Variants in DPYSL2 observed in about 807,000 individuals in gnomAD.
The protein encoded by DPYSL2 is dihydropyrimidinase-related protein 2.
Under a neutral mutation model 69.9 loss-of-function variants are expected in DPYSL2, and 13 were observed. That is an observed-to-expected ratio of 0.19 (90% CI 0.12 to 0.30). The LOEUF is 0.30. DPYSL2 is among the 10% of genes least tolerant of loss of function. The pLI, the probability that DPYSL2 is intolerant of heterozygous loss-of-function variation, is 1.00. For missense variants in DPYSL2, 587 were observed against 918.9 expected (o/e 0.64, Z 4.67); for synonymous variants, 326 against 359.1 (o/e 0.91, Z 1.04).
At chr8:26,577,156 T>C (rs767922643) in intron 1 of DPYSL2, 19 of 447,108 alleles carry the variant, frequency 4.2e-5, no homozygotes, top group South Asian at 3.0e-4. Flanking sequence ...TCCTCAGGGC[T>C]CTCATTTCCT....
chr8:26,537,261 G>A (rs535519411), intron 1 of DPYSL2, among the ~76,000 whole-genome samples: 1 of 152,094 alleles, frequency 6.6e-6, no homozygotes, highest in African/African-American at 2.4e-5. Context: ...CTGAGGAATG[G>A]CTTTGACCCT....
chr8:26,631,073 T>A (rs1802760101), intron 7 of DPYSL2, among the ~76,000 whole-genome samples: 1 of 152,232 alleles, frequency 6.6e-6, no homozygotes, highest in African/African-American at 2.4e-5. Context: ...CTTGCATTCC[T>A]TCTTTCTCCT....
chr8:26,576,143 G>A (rs373789212), intron 1 of DPYSL2, among the ~76,000 whole-genome samples: 1 of 152,146 alleles, frequency 6.6e-6, no homozygotes, highest in Non-Finnish European at 1.5e-5. Flanking sequence ...AACTTTGTGC[G>A]TGCCCTACGG....
rs906705303 is a variant in DPYSL2 at position 26,617,688 on chromosome 8, G to A, written c.629-6455G>A. Among the ~76,000 whole-genome samples the A allele has an allele frequency of 2.6e-5, 4 of 152,148 alleles. No individual in the cohort carries two copies. The highest frequency in any genetic ancestry group is 9.7e-5 in the African/African-American group (4 of 41,414). ...GGAGGGGAAGGAAGCACTGATTCTC[G>A]CTGCAGCATGGATGAACCTTGACGA... On this transcript the variant is annotated intron_variant, in intron 3 of 13. Coordinates refer to ENST00000521913, the MANE Select transcript of DPYSL2 (RefSeq NM_001197293.3). This position sits in a 1 kb window ranked among gnomAD's most constrained non-coding sequence, Gnocchi z 4.7.
intron 1 of DPYSL2, chr8:26,578,516 G>A: frequency 7.0e-7 from 1 of 1,422,566 alleles, no homozygotes; most frequent in African/African-American, 1.4e-5. Context: ...GAGCGCGAGT[G>A]CACGAAGGTA....
chr8:26,652,498 CATTT>C lies in DPYSL2; in HGVS notation c.1776+66_1776+69del. ...CACGAATTAAGTTCAAGGCCACAAA[CATTT>C]ATTAAGCACCTTGAGACAGAATATT... On this transcript the variant is annotated intron_variant, in intron 12 of 13. Coordinates refer to ENST00000521913, the MANE Select transcript of DPYSL2 (RefSeq NM_001197293.3). This position sits in a 1 kb window ranked among gnomAD's most constrained non-coding sequence, Gnocchi z 6.3. 6.6e-7 allele frequency: 1 copy of C among 1,504,844 alleles called. No individual in the cohort carries two copies. The highest frequency in any genetic ancestry group is 1.9e-5 in the Admixed American group (1 of 53,338). 93.2% of individuals were successfully genotyped at this position (1,504,844 alleles called of 1,614,324 possible). A position where few individuals can be genotyped will look rare whatever the true frequency, so the allele number is the denominator to read the frequency against.
chr8:26,561,651 A>C (rs1199871990), intron 1 of DPYSL2, among the ~76,000 whole-genome samples: 1 of 152,096 alleles, frequency 6.6e-6, no homozygotes, highest in Non-Finnish European at 1.5e-5. Flanking sequence ...GTTTCATAGA[A>C]GACCATTCTT....
Position 26,624,456 on chromosome 8 carries a change from C to A in DPYSL2, c.793+149C>A. 9.9e-7 allele frequency: 1 copy of A among 1,010,634 alleles called. No homozygotes were observed. Among genetic ancestry groups the A allele is most frequent in the Non-Finnish European group, 1.4e-6 (1 of 692,960 alleles). The allele number at this position is 1,010,634 out of a possible 1,614,324, so 62.6% of individuals were successfully genotyped here. On this transcript the variant is annotated intron_variant, in intron 4 of 13. Transcript: ENST00000521913. This position sits in a 1 kb window ranked among gnomAD's most constrained non-coding sequence, Gnocchi z 4.7. ...CCTGGGAAGGAGAGAGGGCTTTGGG[C>A]CGCAGCTTATGCTGTTTGGAGGTGG... is the stretch of plus-strand genomic sequence containing the variant.
intron 1 of DPYSL2, among the ~76,000 whole-genome samples, chr8:26,523,623 T>C (rs754442576): frequency 4.6e-5 from 7 of 152,218 alleles, no homozygotes; most frequent in Non-Finnish European, 8.8e-5. Flanking sequence ...TCAAAGTTTG[T>C]TCATGTTGTA....
At position 26,641,492 on chromosome 8, in the gene DPYSL2, G is replaced by A. The variant is rs1250512070; in HGVS notation, c.1127-1947G>A. On this transcript the variant is annotated intron_variant, in intron 8 of 13. Coordinates refer to ENST00000521913, the MANE Select transcript of DPYSL2 (RefSeq NM_001197293.3). This position sits in a 1 kb window ranked among gnomAD's most constrained non-coding sequence, Gnocchi z 4.1. The stretch of plus-strand genomic sequence containing the variant: ...CCTTTGAGAACTGATGACTGCTGCT[G>A]GGTCCTGCCCAGCCATTTGCATTTT... Among the ~76,000 whole-genome samples the A allele has an allele frequency of 6.6e-6, 1 of 152,210 alleles. No individual in the cohort carries two copies. The highest frequency in any genetic ancestry group is 1.5e-5 in the Non-Finnish European group (1 of 68,044).
rs931408574 is a variant in DPYSL2, at chr8:26,514,951, T to C, written c.354+272T>C. On this transcript the variant is annotated intron_variant, in intron 1 of 13. Transcript: ENST00000521913. This position sits in a 1 kb window ranked among gnomAD's most constrained non-coding sequence, Gnocchi z 8.4. ...CATAGGGAATGGGCTGATCCCCTGC[T>C]GGGGCGGGCGGTGGTCGTCTGGGAG... Among the ~76,000 whole-genome samples the C allele has an allele frequency of 2.0e-5, 3 of 152,154 alleles. No homozygotes were observed. The highest frequency in any genetic ancestry group is 7.2e-5 in the African/African-American group (3 of 41,460).
At chr8:26,572,189 C>T (rs947940327) in intron 1 of DPYSL2, among the ~76,000 whole-genome samples, 2 of 152,176 alleles carry the variant, frequency 1.3e-5, no homozygotes, top group Non-Finnish European at 2.9e-5. Context: ...AACGCAGAGA[C>T]CCAGGGCGCC....
intron 1 of DPYSL2, among the ~76,000 whole-genome samples, chr8:26,555,351 C>G (rs1051406356): frequency 6.6e-6 from 1 of 151,932 alleles, no homozygotes; most frequent in Non-Finnish European, 1.5e-5. Flanking sequence ...AAATAAATCC[C>G]AAAGAATCAA....
intron 3 of DPYSL2, chr8:26,623,879 C>G (rs1482982762): frequency 5.2e-6 from 2 of 386,298 alleles, no homozygotes; most frequent in Non-Finnish European, 9.4e-6. Flanking sequence ...AAAGCTTGAG[C>G]TTTCAGGGGT....
chr8:26,567,145 C>G (rs574323940), intron 1 of DPYSL2, among the ~76,000 whole-genome samples: 1 of 150,472 alleles, frequency 6.6e-6, no homozygotes, highest in Non-Finnish European at 1.5e-5. Context: ...AACATACATA[C>G]ATACATCTGC....
intron 7 of DPYSL2, among the ~76,000 whole-genome samples, chr8:26,629,134 C>T (rs1235427930): frequency 1.3e-5 from 2 of 152,172 alleles, no homozygotes; most frequent in African/African-American, 2.4e-5. Flanking sequence ...TCAGGGTCCA[C>T]GCTTTGTTCT....
chr8:26,623,953 T>C lies in DPYSL2; in HGVS notation c.629-190T>C, dbSNP rs1463308817. On this transcript the variant is annotated intron_variant, in intron 3 of 13. Transcript: ENST00000521913. ...GCTGGAGACATCATCCAATGCCAAGTTTCTGCTTTCTGCTTTCTCCCTCTT... is the reference window on the plus strand; with the variant it reads ...GCTGGAGACATCATCCAATGCCAAGCTTCTGCTTTCTGCTTTCTCCCTCTT... 3 of 610,944 alleles carry C rather than the reference T, an allele frequency of 4.9e-6. No individual in the cohort carries two copies. The East Asian group carries it at 8.7e-5, about 18-fold the overall frequency. 37.8% of individuals were successfully genotyped at this position (610,944 alleles called of 1,614,324 possible). A position where few individuals can be genotyped will look rare whatever the true frequency, so the allele number is the denominator to read the frequency against.
In DPYSL2 at chr8:26,521,374, C is replaced by G. The variant is rs1808381275; in HGVS notation, c.354+6695C>G. ...CTGACTGTGTGACCTGCACAGTCAT[C>G]TAACCTCAGTGGTCATTGGGCTGTC... On this transcript the variant is annotated intron_variant, in intron 1 of 13. Transcript: ENST00000521913. 1.3e-5 allele frequency among the ~76,000 whole-genome samples: 2 copies of G among 152,222 alleles called. 1 individual carries two copies. Among genetic ancestry groups the G allele is most frequent in the South Asian group, 4.1e-4 (2 of 4,830 alleles).
chr8:26,640,658 A>G lies in DPYSL2; in HGVS notation c.1127-2781A>G, dbSNP rs1803020141. ...GTAGAGGCCTGGAACATGATGGCTA[A>G]ACTCCTGTCGCTGATTCTGGGCTAA... On this transcript the variant is annotated intron_variant, in intron 8 of 13. Transcript: ENST00000521913. This position sits in a 1 kb window ranked among gnomAD's most constrained non-coding sequence, Gnocchi z 4.2. Among the ~76,000 whole-genome samples the G allele has an allele frequency of 6.6e-6, 1 of 152,118 alleles. No individual in the cohort carries two copies. Among genetic ancestry groups the G allele is most frequent in the Non-Finnish European group, 1.5e-5 (1 of 68,014 alleles).
Sources: gnomAD v4.1 joint callset for allele counts (sites outside exome capture counted in the v4.1 genomes callset) on GRCh38, gnomAD v4.1.1 for gene constraint, Gnocchi (gnomAD v3.1) non-coding constraint, MANE v1.5 for transcripts, NCBI Gene and HGNC (gene_info 2026-07-23, HGNC 2026-07-21) for gene names.